Variants in USP15 observed in about 807,000 individuals in gnomAD.
USP15 encodes the protein ubiquitin specific peptidase 15, also known as ubiquitin carboxyl-terminal hydrolase 15.
In USP15, 18 loss-of-function variants were observed where a neutral mutation model predicts 127.1. That is an observed-to-expected ratio of 0.14 (90% confidence interval 0.10 to 0.21). The LOEUF (loss-of-function observed/expected upper bound fraction) is 0.21. Among genes scored for constraint, USP15 ranks in the 10% least tolerant of loss-of-function variants. The pLI, the probability that USP15 is intolerant of heterozygous loss-of-function variation, is 1.00. For synonymous variants in USP15, 364 were observed against 393.7 expected (o/e 0.92, Z 0.89); for missense variants, 805 against 1,159.9 (o/e 0.69, Z 4.44).
intron 8 of USP15, among the ~76,000 whole-genome samples, chr12:62,375,608 T>TA (rs1225599618): frequency 1.3e-5 from 2 of 152,156 alleles, no homozygotes; most frequent in Non-Finnish European, 2.9e-5. Flanking sequence ...CAGAGGAAGA[T>TA]ACGACATTTA....
intron 8 of USP15, among the ~76,000 whole-genome samples, chr12:62,360,206 A>G (rs75182243): frequency 0.014 from 2,071 of 152,252 alleles, 25 homozygotes; most frequent in Middle Eastern, 0.02. Flanking sequence ...ACTTGGACAT[A>G]ATAGAGCTCC....
chr12:62,281,206 A>AT (rs2063637648), intron 1 of USP15, among the ~76,000 whole-genome samples: 2 of 152,136 alleles, frequency 1.3e-5, no homozygotes, highest in Non-Finnish European at 2.9e-5. Context: ...AAATCTTTTC[A>AT]TTTATTTGTC....
At chr12:62,318,775 A>G (rs539691035) in intron 4 of USP15, among the ~76,000 whole-genome samples, 4 of 152,258 alleles carry the variant, frequency 2.6e-5, no homozygotes, top group African/African-American at 9.6e-5. Flanking sequence ...AGGCTCTGTC[A>G]TTCTTCCTTA....
intron 5 of USP15, among the ~76,000 whole-genome samples, chr12:62,325,341 G>T (rs1318783212): frequency 6.6e-6 from 1 of 151,932 alleles, no homozygotes; most frequent in Non-Finnish European, 1.5e-5. Flanking sequence ...AATTTCCATT[G>T]TGATAATGTA....
At chr12:62,337,419 G>A (rs901223667) in intron 6 of USP15, among the ~76,000 whole-genome samples, 4 of 152,108 alleles carry the variant, frequency 2.6e-5, no homozygotes, top group Non-Finnish European at 5.9e-5. Flanking sequence ...ACGTCTCAGA[G>A]CTTGTGCAGA....
At chr12:62,396,941 A>T (rs2067511587) in intron 20 of USP15, among the ~76,000 whole-genome samples, 1 of 152,172 alleles carries the variant, frequency 6.6e-6, no homozygotes, top group Admixed American at 6.5e-5. Flanking sequence ...ATGGTATCGT[A>T]TGTAAGAATT....
chr12:62,301,124 C>T (rs1047282202), intron 2 of USP15, among the ~76,000 whole-genome samples: 1 of 152,090 alleles, frequency 6.6e-6, no homozygotes, highest in African/African-American at 2.4e-5. Context: ...TGCAAAAATG[C>T]TCAACATAAT....
chr12:62,396,735 T>C (rs777355513), intron 20 of USP15, among the ~76,000 whole-genome samples: 34 of 152,306 alleles, frequency 2.2e-4, no homozygotes, highest in Non-Finnish European at 3.4e-4. Flanking sequence ...ATTTATATAA[T>C]TGGTACTGTG....
chr12:62,385,218 G>A (rs1170887889), intron 11 of USP15, among the ~76,000 whole-genome samples: 2 of 151,786 alleles, frequency 1.3e-5, no homozygotes, highest in Non-Finnish European at 2.9e-5. Flanking sequence ...ACTTAACTAT[G>A]CACCTACTAA....
intron 1 of USP15, among the ~76,000 whole-genome samples, chr12:62,275,343 T>C (rs1329845787): frequency 1.3e-5 from 2 of 151,100 alleles, no homozygotes; most frequent in Non-Finnish European, 2.9e-5. Flanking sequence ...GGCTATGTAA[T>C]ACATTTAAGC....
Position 62,381,641 on chromosome 12 carries a change from A to G in USP15, c.1067A>G (p.Tyr356Cys), listed in dbSNP as rs755246656. 1.9e-6 allele frequency: 3 copies of G among 1,612,022 alleles called. No homozygotes were observed. The highest frequency in any genetic ancestry group is 1.7e-5 in the Admixed American group (1 of 59,906). ...CAAATGTGGTCTGGAAAGTTTAGCTACGTCACCCCAAGAGCCTTTAAGGTT... is the reference window on the plus strand; with the variant it reads ...CAAATGTGGTCTGGAAAGTTTAGCTGCGTCACCCCAAGAGCCTTTAAGGTT... Reference protein sequence around the residue: ...IKQMWSGKFSYVTPRAFKTQV... With the variant: ...IKQMWSGKFSCVTPRAFKTQV... Residue 356 changes from tyrosine (Y) to cysteine (C), a missense_variant, in exon 9 of 22, where the codon TAC becomes TGC. Tyr to Cys is a radical substitution (Grantham distance 194, BLOSUM62 -2). Coordinates refer to ENST00000280377, the MANE Select transcript of USP15 (RefSeq NM_001252078.2).
intron 3 of USP15, among the ~76,000 whole-genome samples, chr12:62,307,765 T>C (rs2137220561): frequency 6.6e-6 from 1 of 152,270 alleles, no homozygotes; most frequent in South Asian, 2.1e-4. Flanking sequence ...GTAGCCATCT[T>C]GGTTATCAAT....
At chr12:62,299,961 T>G (rs887626138) in intron 2 of USP15, among the ~76,000 whole-genome samples, 1 of 152,174 alleles carries the variant, frequency 6.6e-6, no homozygotes, top group Admixed American at 6.6e-5. Flanking sequence ...TCTTTTTTAG[T>G]GAAATACATT....
At chr12:62,344,301 C>A (rs1029840808) in intron 6 of USP15, among the ~76,000 whole-genome samples, 10 of 152,200 alleles carry the variant, frequency 6.6e-5, no homozygotes, top group Non-Finnish European at 1.5e-4. Context: ...AACAAAGGGT[C>A]TATAGGCCCA....
At chr12:62,355,973 C>A (rs1216840056) in intron 8 of USP15, among the ~76,000 whole-genome samples, 2 of 151,044 alleles carry the variant, frequency 1.3e-5, no homozygotes, top group East Asian at 3.9e-4. Context: ...TTTTCCCCTG[C>A]CCCCACCCCC....
At chr12:62,325,202 G>A (rs2065092470) in intron 5 of USP15, among the ~76,000 whole-genome samples, 1 of 151,914 alleles carries the variant, frequency 6.6e-6, no homozygotes, top group African/African-American at 2.4e-5. Context: ...ATAAAGTATA[G>A]CTCTCCCTAA....
At position 62,407,519 on chromosome 12, in the gene USP15, G is replaced by A. The variant is rs942518528; in HGVS notation, c.*3144G>A. 1 of 152,128 alleles carries A rather than the reference G, an allele frequency of 6.6e-6. No homozygotes were observed. Among genetic ancestry groups the A allele is most frequent in the East Asian group, 1.9e-4 (1 of 5,200 alleles). 9.4% of individuals were successfully genotyped at this position (152,128 alleles called of 1,614,324 possible). On this transcript the variant is annotated 3_prime_UTR_variant, in exon 22 of 22. Coordinates refer to ENST00000280377, the MANE Select transcript of USP15 (RefSeq NM_001252078.2). ...ATATTTAGCTCAGTATTCGAGCATT[G>A]AATAAGAAAGTACCCACTGGAATAT...
At chr12:62,303,677 T>C (rs943891100) in intron 3 of USP15, 1 of 151,890 alleles carries the variant, frequency 6.6e-6, no homozygotes, top group South Asian at 2.1e-4. Flanking sequence ...AAACCTCTAG[T>C]AGACCTAACT....
At chr12:62,334,653 G>A (rs1348773903) in intron 6 of USP15, among the ~76,000 whole-genome samples, 1 of 152,078 alleles carries the variant, frequency 6.6e-6, no homozygotes, top group Non-Finnish European at 1.5e-5. Context: ...TGTAATGTTG[G>A]TCTTGTTTTA....
Sources: gnomAD v4.1 joint callset for allele counts (sites outside exome capture counted in the v4.1 genomes callset) on GRCh38, gnomAD v4.1.1 for gene constraint, MANE v1.5 for transcripts, NCBI Gene and HGNC (gene_info 2026-07-23, HGNC 2026-07-21) for gene names.